WDPCP: variants seen among roughly 807,000 people sequenced by gnomAD.
WDPCP encodes WD repeat-containing and planar cell polarity effector protein fritz homolog.
Under a neutral mutation model 93.1 loss-of-function variants are expected in WDPCP, and 71 were observed. That is an observed-to-expected ratio of 0.76 (90% CI 0.63 to 0.93). The LOEUF (loss-of-function observed/expected upper bound fraction) is 0.93. WDPCP is among the 40% of genes least tolerant of loss of function. WDPCP has a pLI of 0.00. For missense variants in WDPCP, 844 were observed against 887.4 expected (o/e 0.95, Z 0.62); for synonymous variants, 315 against 315.0 (o/e 1.00, Z 0.00).
At chr2:63,818,917 T>C (rs906529396) in intron 1 of WDPCP, among the ~76,000 whole-genome samples, 6 of 152,298 alleles carry the variant, frequency 3.9e-5, no homozygotes, top group Non-Finnish European at 8.8e-5. Flanking sequence ...GGCGATTATA[T>C]GGGTGCTGGC....
At chr2:63,644,381 T>A (rs1429194407) in intron 3 of WDPCP, among the ~76,000 whole-genome samples, 2 of 151,904 alleles carry the variant, frequency 1.3e-5, no homozygotes, top group East Asian at 3.9e-4. Flanking sequence ...GTAGCTGGGA[T>A]TACAGGCACC....
chr2:63,783,826 T>G (rs1474399221), intron 2 of WDPCP, among the ~76,000 whole-genome samples: 1 of 152,126 alleles, frequency 6.6e-6, no homozygotes, highest in East Asian at 1.9e-4. Context: ...CAATGACCAT[T>G]ATTTAAGTGA....
intron 3 of WDPCP, among the ~76,000 whole-genome samples, chr2:63,639,999 T>TTTTGTTTG (rs904672081): frequency 2.6e-5 from 4 of 152,174 alleles, no homozygotes; most frequent in African/African-American, 9.6e-5. Flanking sequence ...TTAATGTTGT[T>TTTTGTTTG]TTTGTTTGTT....
chr2:63,242,993 C>A (rs887549132), intron 14 of WDPCP, among the ~76,000 whole-genome samples: 4 of 152,140 alleles, frequency 2.6e-5, no homozygotes, highest in Non-Finnish European at 5.9e-5. Context: ...TCCTGGAACA[C>A]GTCCCAGGAT....
At chr2:63,467,776 CAAAAAAAAAAAAAAA>C (rs3051717) in intron 6 of WDPCP, among the ~76,000 whole-genome samples, 1 of 87,692 alleles carries the variant, frequency 1.1e-5, no homozygotes, top group Non-Finnish European at 2.2e-5. Flanking sequence ...ACTCAGTCTC[CAAAAAAAAAAAAAAA>C]AAAAAAAAAT....
At chr2:63,434,472 C>A (rs182912917) in intron 8 of WDPCP, among the ~76,000 whole-genome samples, 120 of 152,286 alleles carry the variant, frequency 7.9e-4, no homozygotes, top group African/African-American at 2.8e-3. Context: ...TATGCAGCTT[C>A]TGAGAATTAT....
At chr2:63,796,991 C>A (rs953508357) in intron 2 of WDPCP, among the ~76,000 whole-genome samples, 3 of 152,138 alleles carry the variant, frequency 2.0e-5, no homozygotes, top group Non-Finnish European at 4.4e-5. Flanking sequence ...CTTTGTCCTG[C>A]CACTTGGATA....
chr2:63,248,077 A>T (rs2104692756), intron 14 of WDPCP, among the ~76,000 whole-genome samples: 1 of 152,262 alleles, frequency 6.6e-6, no homozygotes. Context: ...TTCATGTCAC[A>T]AATTACATCT....
At chr2:63,599,328 A>C in intron 3 of WDPCP, 1 of 1,582,464 alleles carries the variant, frequency 6.3e-7, no homozygotes, top group Non-Finnish European at 8.6e-7. Context: ...GTGGTTGTTC[A>C]ACTTTAAAAC....
intron 16 of WDPCP, 58 bp downstream of exon 16, chr2:63,153,437 G>T (rs1203944460): frequency 3.0e-6 from 4 of 1,326,298 alleles, no homozygotes; most frequent in East Asian, 4.7e-5. Context: ...GTTCTTGCAA[G>T]CTATAACATA....
intron 14 of WDPCP, among the ~76,000 whole-genome samples, chr2:63,186,105 C>T (rs1242969632): frequency 6.6e-6 from 1 of 152,172 alleles, no homozygotes; most frequent in Non-Finnish European, 1.5e-5. Context: ...AATCTGCCTC[C>T]CTCTCACTCC....
rs72894329 is a variant in WDPCP, at chr2:63,301,238, T to C, written c.1812+12010A>G. Among the ~76,000 whole-genome samples the C allele has an allele frequency of 4.9e-3, 743 of 152,274 alleles. 6 individuals are homozygous for C. The highest frequency in any genetic ancestry group is 0.017 in the African/African-American group (708 of 41,548). On this transcript the variant is annotated intron_variant, in intron 13 of 17. Transcript: ENST00000272321. The stretch of plus-strand genomic sequence containing the variant: ...AACGGGAAAATTCTGCCTTCAACAA[T>C]TGCATTAAAATATCCTCCAAAGCCA...
intron 9 of WDPCP, among the ~76,000 whole-genome samples, chr2:63,414,815 T>C (rs567215282): frequency 1.1e-4 from 17 of 152,254 alleles, no homozygotes; most frequent in African/African-American, 4.1e-4. Context: ...ATCTCCCAAA[T>C]CATCACTAAA....
At chr2:63,493,281 T>C (rs574973014) in intron 1 of WDPCP, among the ~76,000 whole-genome samples, 1 of 152,274 alleles carries the variant, frequency 6.6e-6, no homozygotes, top group Non-Finnish European at 1.5e-5. Flanking sequence ...TTTTAAGTTT[T>C]ATTTTAAGGA....
intron 12 of WDPCP, among the ~76,000 whole-genome samples, chr2:63,342,956 A>G (rs114353996): frequency 0.015 from 2,276 of 151,896 alleles, 62 homozygotes; most frequent in African/African-American, 0.052. Flanking sequence ...GAATGTCTTA[A>G]TTCTCCCTCA....
intron 2 of WDPCP, among the ~76,000 whole-genome samples, chr2:63,743,614 T>C (rs899051977): frequency 2.0e-5 from 3 of 152,144 alleles, no homozygotes; most frequent in South Asian, 2.1e-4. Context: ...TATGAATACT[T>C]GCATGACAGT....
chr2:63,638,183 A>T (rs541246224), intron 3 of WDPCP, among the ~76,000 whole-genome samples: 1 of 152,158 alleles, frequency 6.6e-6, no homozygotes, highest in Non-Finnish European at 1.5e-5. Flanking sequence ...AAGGGTGCAA[A>T]CCTTCAGTAA....
At chr2:63,374,782 T>G (rs978141939) in intron 12 of WDPCP, among the ~76,000 whole-genome samples, 8 of 152,264 alleles carry the variant, frequency 5.3e-5, no homozygotes, top group African/African-American at 1.9e-4. Flanking sequence ...ATCTACCACA[T>G]GTATTCTGAC....
intron 13 of WDPCP, among the ~76,000 whole-genome samples, chr2:63,287,034 T>C (rs923874944): frequency 1.3e-5 from 2 of 152,228 alleles, no homozygotes; most frequent in African/African-American, 4.8e-5. Flanking sequence ...CCTGAACCTC[T>C]CTCCTTGGCT....
Sources: gnomAD v4.1 joint callset for allele counts (sites outside exome capture counted in the v4.1 genomes callset) on GRCh38, gnomAD v4.1.1 for gene constraint, MANE v1.5 for transcripts, NCBI Gene and HGNC (gene_info 2026-07-23, HGNC 2026-07-21) for gene names.